CUBN: variants seen among roughly 807,000 people sequenced by gnomAD.
The protein encoded by CUBN is cubilin, also known as 460 kDa receptor.
A neutral mutation model predicts 405.3 loss-of-function variants in CUBN; 282 were observed. That is an observed-to-expected ratio of 0.70 (90% CI 0.63 to 0.77). CUBN has a LOEUF of 0.77. CUBN is among the 30% of genes least tolerant of loss of function. The pLI is 0.00. For missense variants in CUBN, 4,514 were observed against 4,475.2 expected, an observed-to-expected ratio of 1.01 and a Z score of -0.25; for synonymous variants, 1,684 against 1,617.0, an observed-to-expected ratio of 1.04 and a Z score of -0.99.
rs1836574458 is a variant in CUBN, at chr10:17,104,544, T to A, written c.1292A>T (p.Glu431Val). 1.2e-6 allele frequency: 2 copies of A among 1,613,770 alleles called. No individual in the cohort carries two copies. Among genetic ancestry groups the A allele is most frequent in the South Asian group, 1.1e-5 (1 of 91,064 alleles). Residue 431 changes from glutamate (E) to valine (V), a missense_variant, in exon 12 of 67, where the codon GAA becomes GTA. This residue lies in a region of CUBN where 1,448 missense variants were observed against 1,388.0 expected (regional missense o/e 1.04). Coordinates refer to ENST00000377833, the MANE Select transcript of CUBN (RefSeq NM_001081.4). ...DSGWTGVNCT[E>V]NINECLSNPC... The stretch of plus-strand genomic sequence containing the variant: ...GTTGCTCAAACACTCATTGATGTTT[T>A]CTGTACAGTTGACACCTGTCCAACC...
At chr10:17,109,093 C>T (rs1836706090) in intron 10 of CUBN, among the ~76,000 whole-genome samples, 1 of 152,110 alleles carries the variant, frequency 6.6e-6, no homozygotes, top group Admixed American at 6.5e-5. Flanking sequence ...TCGGTGAATA[C>T]ATAAATTGAT....
intron 22 of CUBN, 146 bp downstream of exon 22, chr10:17,065,362 G>C: frequency 1.1e-6 from 1 of 943,800 alleles, no homozygotes; most frequent in Non-Finnish European, 1.7e-6. Flanking sequence ...AATAAGGAAG[G>C]TATTTAAGTC....
At chr10:16,883,555 G>A (rs1043127572) in intron 56 of CUBN, among the ~76,000 whole-genome samples, 1 of 152,122 alleles carries the variant, frequency 6.6e-6, no homozygotes, top group Admixed American at 6.5e-5. Flanking sequence ...AAAGAAAACT[G>A]ACAAAGCTCA....
At chr10:16,966,963 C>T (rs1318634371) in intron 31 of CUBN, among the ~76,000 whole-genome samples, 1 of 152,122 alleles carries the variant, frequency 6.6e-6, no homozygotes, top group Admixed American at 6.5e-5. Context: ...AATGGAATTG[C>T]CACTTTGGAA....
chr10:17,059,729 A>G (rs1332418875), intron 22 of CUBN, among the ~76,000 whole-genome samples: 2 of 152,146 alleles, frequency 1.3e-5, no homozygotes, highest in East Asian at 3.8e-4. Context: ...ATCAAACTCA[A>G]CATTTTGCTA....
chr10:17,124,630 G>A (rs889086696), intron 4 of CUBN, among the ~76,000 whole-genome samples: 6 of 151,596 alleles, frequency 4.0e-5, no homozygotes, highest in Non-Finnish European at 5.9e-5. Flanking sequence ...GGGTTTCACC[G>A]TGTTAGCCAG....
intron 53 of CUBN, 92 bp from the exon 54 acceptor site, chr10:16,899,275 A>G (rs1841287340): frequency 2.1e-6 from 2 of 943,012 alleles, no homozygotes; most frequent in South Asian, 2.6e-5. Context: ...TCCAAATGTG[A>G]GATTTCAATT....
chr10:16,937,687 T>A lies in CUBN; in HGVS notation c.5831A>T (p.His1944Leu). Reference protein sequence around the residue: ...FSSTGNSLTFHFYSDSSISGK... With the variant: ...FSSTGNSLTFLFYSDSSISGK... ...TGAGATTGAAGAGTCGGAGTAAAAA[T>A]GAAATGTCAAAGAATTTCCAGTGGA... Residue 1944 changes from histidine to leucine, a missense_variant, in exon 39 of 67, where the codon CAT becomes CTT. Physicochemically the swap from His to Leu is moderately conservative, Grantham distance 99. This residue lies in a region of CUBN where 1,613 missense variants were observed against 1,542.8 expected (regional missense o/e 1.05). Transcript: ENST00000377833. The A allele has an allele frequency of 6.2e-7, 1 of 1,614,052 alleles. No homozygotes were observed.
At chr10:16,974,030 T>C (rs920509102) in intron 31 of CUBN, among the ~76,000 whole-genome samples, 3 of 152,172 alleles carry the variant, frequency 2.0e-5, no homozygotes, top group Admixed American at 1.3e-4. Flanking sequence ...CTAGTCCTCA[T>C]TAAATGAACC....
chr10:17,076,212 T>C (rs1269402179), intron 17 of CUBN, among the ~76,000 whole-genome samples: 1 of 152,088 alleles, frequency 6.6e-6, no homozygotes, highest in African/African-American at 2.4e-5. Context: ...TCCAAATGTT[T>C]TAAGAGGAAC....
intron 59 of CUBN, among the ~76,000 whole-genome samples, chr10:16,858,869 T>C (rs541574153): frequency 8.3e-4 from 127 of 152,300 alleles, no homozygotes; most frequent in South Asian, 1.7e-3. Context: ...TGCAATTCAA[T>C]GAAGGAAGGA....
At position 16,901,442 on chromosome 10, in the gene CUBN, T is replaced by A. The variant is rs773503032; in HGVS notation, c.8080A>T (p.Ile2694Leu). ...CTTGTGATCACTCCACTGTCACCTA[T>A]CTGTATTCCGCCACAATCTGAAATG... ...YSFTDCGGIQ[I>L]GDSGVITSPN... The change falls in exon 52 of 67, where the codon ATA becomes TTA. Residue 2694 changes from isoleucine (I) to leucine (L), a missense_variant. Physicochemically the swap from Ile to Leu is conservative, Grantham distance 5 (BLOSUM62 2). Around this residue, in one of 5 missense-constraint regions of CUBN, gnomAD observed 1,186 missense variants for 1,186.9 expected, o/e 1.00. Coordinates refer to ENST00000377833, the MANE Select transcript of CUBN (RefSeq NM_001081.4). The A allele has an allele frequency of 4.3e-6, 7 of 1,614,014 alleles. No individual in the cohort carries two copies. The African/African-American group carries it at 8.0e-5, about 18-fold the overall frequency.
chr10:17,046,025 GAT>G lies in CUBN; in HGVS notation c.3397_3398del (p.Ile1133LeufsTer3), dbSNP rs1242830370. ...FYGSNLPPTI[I>X]SHSNKLWLKF... ...TTAACCATAGTTTGTTACTATGAGAGATGATTGTTGGGGGTAGATTTGAGCCA... is the reference window on the plus strand; with the variant it reads ...TTAACCATAGTTTGTTACTATGAGAGGATTGTTGGGGGTAGATTTGAGCCA... On this transcript the variant is annotated frameshift_variant, in exon 24 of 67. Coordinates refer to ENST00000377833, the MANE Select transcript of CUBN (RefSeq NM_001081.4). LOFTEE classifies it high-confidence loss of function. The G allele has an allele frequency of 6.2e-7, 1 of 1,613,392 alleles. No individual in the cohort carries two copies. The highest frequency in any genetic ancestry group is 8.5e-7 in the Non-Finnish European group (1 of 1,179,392).
intron 28 of CUBN, among the ~76,000 whole-genome samples, chr10:17,014,954 G>T (rs1435730790): frequency 6.6e-6 from 1 of 152,130 alleles, no homozygotes; most frequent in Admixed American, 6.5e-5. Context: ...AAACCAATCT[G>T]CCTCCCTTGG....
chr10:16,915,539 G>A lies in CUBN; in HGVS notation c.7210+282C>T, dbSNP rs532622262. ...TAGAACACCCCTCAAATAACGGCATGTGGCAATGGGATGTCTCAGCAGCAA... is the reference window on the plus strand; with the variant it reads ...TAGAACACCCCTCAAATAACGGCATATGGCAATGGGATGTCTCAGCAGCAA... On this transcript the variant is annotated intron_variant, in intron 46 of 66. Coordinates refer to ENST00000377833, the MANE Select transcript of CUBN (RefSeq NM_001081.4). Among the ~76,000 whole-genome samples, 22 of 152,268 alleles carry A rather than the reference G, an allele frequency of 1.4e-4. No homozygotes were observed. In the South Asian group the frequency reaches 4.6e-3, roughly 32 times the overall value.
At position 17,110,931 on chromosome 10, in the gene CUBN, C is replaced by T. The variant is rs57335729; in HGVS notation, c.1003G>A (p.Ala335Thr). 6.9e-4 allele frequency: 1,117 copies of T among 1,614,190 alleles called. 11 individuals are homozygous for T. The African/African-American group carries it at 0.014, about 20-fold the overall frequency. ...ACCGAGGCAGCACCTGGTGGACAGG[C>T]CTGGCAGTGGGAAGACCCAGGTGTA... is the stretch of plus-strand genomic sequence containing the variant. ...VNTPGSSHCQACPPGYQGDGR... is the reference protein window; with the variant it reads ...VNTPGSSHCQTCPPGYQGDGR... The change falls in exon 9 of 67, where the codon GCC becomes ACC. Residue 335 changes from alanine to threonine, a missense_variant. Physicochemically the swap from Ala to Thr is moderately conservative, Grantham distance 58. This residue lies in a region of CUBN where 1,448 missense variants were observed against 1,388.0 expected (regional missense o/e 1.04). Coordinates refer to ENST00000377833, the MANE Select transcript of CUBN (RefSeq NM_001081.4).
chr10:17,117,987 T>A lies in CUBN; in HGVS notation c.594-2390A>T, dbSNP rs1028932347. Reference sequence around the variant, plus strand: ...TGCTAAGAAGATTGTCTTTATTTTATCACTAAGTGCTTAACTATTGCAAAA... The same window carrying A: ...TGCTAAGAAGATTGTCTTTATTTTAACACTAAGTGCTTAACTATTGCAAAA... On this transcript the variant is annotated intron_variant, in intron 6 of 66. Transcript: ENST00000377833. Among the ~76,000 whole-genome samples the A allele has an allele frequency of 2.0e-5, 3 of 152,214 alleles. No individual in the cohort carries two copies. In the East Asian group the frequency reaches 5.8e-4, roughly 29 times the overall value.
chr10:16,877,957 C>T (rs552145931), intron 56 of CUBN, among the ~76,000 whole-genome samples: 2 of 152,274 alleles, frequency 1.3e-5, no homozygotes, highest in Non-Finnish European at 2.9e-5. Flanking sequence ...AAATTACATC[C>T]ATCATGCATT....
chr10:17,104,318 G>T, intron 12 of CUBN, 101 bp downstream of exon 12: 2 of 1,013,000 alleles, frequency 2.0e-6, no homozygotes, highest in Non-Finnish European at 3.1e-6. Context: ...TGAGCAACTG[G>T]ACAAGAAAGT....
Sources: allele counts gnomAD v4.1 joint callset (sites outside exome capture counted in the v4.1 genomes callset), GRCh38; gene constraint gnomAD v4.1.1; regional missense constraint gnomAD v4.1.1; transcripts MANE v1.5; gene names NCBI Gene and HGNC (gene_info 2026-07-23, HGNC 2026-07-21).